Variants in SSH2 observed in about 807,000 individuals in gnomAD.
The protein encoded by SSH2 is protein phosphatase Slingshot homolog 2.
In SSH2, 37 loss-of-function variants were observed where a neutral mutation model predicts 135.2. That is an observed-to-expected ratio of 0.27 (90% CI 0.21 to 0.36). SSH2 has a LOEUF of 0.36. Ranked by LOEUF, SSH2 falls within the 10% of genes least tolerant of loss-of-function variation. SSH2 has a pLI of 1.00. For synonymous variants in SSH2, 628 were observed against 646.2 expected (o/e 0.97, Z 0.43); for missense variants, 1,408 against 1,765.3 (o/e 0.80, Z 3.63).
At chr17:29,675,052 T>C (rs192984696) in intron 8 of SSH2, among the ~76,000 whole-genome samples, 57 of 152,340 alleles carry the variant, frequency 3.7e-4, no homozygotes, top group African/African-American at 1.3e-3. Context: ...TGGTTTTACT[T>C]GTTACTTAGG....
chr17:29,760,958 T>C, intron 3 of SSH2: 1 of 439,458 alleles, frequency 2.3e-6, no homozygotes, highest in Non-Finnish European at 3.8e-6. Flanking sequence ...CGGGACACTT[T>C]CCGCCTCCAT....
chr17:29,761,485 G>A lies in SSH2; in HGVS notation c.188+32409C>T, dbSNP rs541906183. 4.1e-6 allele frequency: 4 copies of A among 978,948 alleles called. No homozygotes were observed. The Admixed American group carries it at 2.5e-4, about 60-fold the overall frequency. The allele number at this position is 978,948 out of a possible 1,614,324, so 60.6% of individuals were successfully genotyped here. A position where few individuals can be genotyped will look rare whatever the true frequency, so the allele number is the denominator to read the frequency against. ...ACCCGCGTCCGGGGCGGGACGGGCGGGTCCTGAGAGCGGAGAGGGTAGGCC... is the reference window on the plus strand; with the variant it reads ...ACCCGCGTCCGGGGCGGGACGGGCGAGTCCTGAGAGCGGAGAGGGTAGGCC... On this transcript the variant is annotated intron_variant, in intron 3 of 15. Coordinates refer to ENST00000540801, the MANE Select transcript of SSH2 (RefSeq NM_001282129.2).
intron 3 of SSH2, among the ~76,000 whole-genome samples, chr17:29,771,171 A>C (rs1176797078): frequency 6.6e-6 from 1 of 152,254 alleles, no homozygotes; most frequent in African/African-American, 2.4e-5. Flanking sequence ...TACGTTATTC[A>C]AAGTCTTATT....
chr17:29,775,544 C>A (rs185860582), intron 3 of SSH2, among the ~76,000 whole-genome samples: 7 of 152,242 alleles, frequency 4.6e-5, no homozygotes, highest in Admixed American at 4.6e-4. Context: ...GTGAGGAAAC[C>A]ATCCTGGGAA....
chr17:29,743,907 CTTTTTTTTTTTTT>C lies in SSH2; in HGVS notation c.189-40858_189-40846del, dbSNP rs59540894. Among the ~76,000 whole-genome samples the C allele has an allele frequency of 3.0e-5, 3 of 99,864 alleles. No homozygotes were observed. In the Admixed American group the frequency reaches 3.4e-4, roughly 11 times the overall value. 65.5% of individuals were successfully genotyped at this position (99,864 alleles called of 152,430 possible). On this transcript the variant is annotated intron_variant, in intron 3 of 15. Coordinates refer to ENST00000540801, the MANE Select transcript of SSH2 (RefSeq NM_001282129.2). Reference sequence around the variant, plus strand: ...GGCATAATTTCTTTTTTCTTTTTTCCTTTTTTTTTTTTTTTTTTTTTTTTACAAAACAAAACGC... The same window carrying C: ...GGCATAATTTCTTTTTTCTTTTTTCCTTTTTTTTTTTACAAAACAAAACGC...
At chr17:29,675,698 G>A (rs2037681417) in intron 8 of SSH2, 1 of 152,492 alleles carries the variant, frequency 6.6e-6, no homozygotes, top group African/African-American at 2.4e-5. Context: ...CTGCTTAGGA[G>A]GCTGAGGTAG....
chr17:29,865,372 C>T (rs984438685), intron 1 of SSH2, among the ~76,000 whole-genome samples: 1 of 152,092 alleles, frequency 6.6e-6, no homozygotes, highest in Admixed American at 6.5e-5. Flanking sequence ...AATTAGAGAT[C>T]CCCAGCAGGA....
Position 29,930,074 on chromosome 17 carries a change from G to T in SSH2, c.-74C>A. 1 of 1,258,442 alleles carries T rather than the reference G, an allele frequency of 7.9e-7. No individual in the cohort carries two copies. The highest frequency in any genetic ancestry group is 1.3e-5 in the South Asian group (1 of 77,806). 78.0% of individuals were successfully genotyped at this position (1,258,442 alleles called of 1,614,324 possible). Reference sequence around the variant, plus strand: ...GGGGGACGGGAGGGTGACGGAGCCGGGATGGGGAAAGGGGTGCGGGGTGGG... The same window carrying T: ...GGGGGACGGGAGGGTGACGGAGCCGTGATGGGGAAAGGGGTGCGGGGTGGG... On this transcript the variant is annotated 5_prime_UTR_variant, in exon 1 of 16. Transcript: ENST00000540801.
chr17:29,678,670 C>CAAG (rs1180394723), intron 6 of SSH2, among the ~76,000 whole-genome samples: 2 of 150,536 alleles, frequency 1.3e-5, no homozygotes, highest in Non-Finnish European at 2.9e-5. Flanking sequence ...TGTCAACAAC[C>CAAG]AAGAAAAGGG....
intron 3 of SSH2, among the ~76,000 whole-genome samples, chr17:29,782,437 T>C (rs1481952684): frequency 1.3e-5 from 2 of 152,186 alleles, no homozygotes; most frequent in East Asian, 1.9e-4. Flanking sequence ...GCTTTCTTGA[T>C]AGTTTTCTTG....
intron 3 of SSH2, 36 bp downstream of exon 3, chr17:29,793,855 TACA>T: frequency 6.4e-7 from 1 of 1,567,594 alleles, no homozygotes; most frequent in Non-Finnish European, 8.7e-7. Flanking sequence ...AAAAATATCC[TACA>T]ACAAAAATGC....
intron 1 of SSH2, among the ~76,000 whole-genome samples, chr17:29,869,224 G>A (rs1265629255): frequency 6.6e-6 from 1 of 152,236 alleles, no homozygotes; most frequent in Non-Finnish European, 1.5e-5. Context: ...ATTGGGAGGT[G>A]TCATGAGAAC....
At chr17:29,693,649 A>G (rs2038590342) in intron 5 of SSH2, among the ~76,000 whole-genome samples, 2 of 152,198 alleles carry the variant, frequency 1.3e-5, no homozygotes, top group African/African-American at 4.8e-5. Context: ...ATCAAGAAAT[A>G]CAGACAAGAT....
chr17:29,807,315 A>G (rs1010284798), intron 2 of SSH2, among the ~76,000 whole-genome samples: 12 of 152,210 alleles, frequency 7.9e-5, no homozygotes, highest in Non-Finnish European at 1.5e-4. Flanking sequence ...GACAGTTTTC[A>G]TTAGGGGGAA....
chr17:29,832,825 C>T (rs1030119900), intron 2 of SSH2, among the ~76,000 whole-genome samples: 1 of 152,146 alleles, frequency 6.6e-6, no homozygotes. Context: ...CACCACCACA[C>T]CCAGATAATT....
chr17:29,929,620 A>C (rs1597534025), intron 1 of SSH2, among the ~76,000 whole-genome samples: 1 of 152,218 alleles, frequency 6.6e-6, no homozygotes, highest in Middle Eastern at 3.4e-3. Context: ...ACAGAGGGTA[A>C]AAGAAGGGGG....
At chr17:29,641,954 T>TA (rs2036181609) in intron 14 of SSH2, among the ~76,000 whole-genome samples, 1 of 147,222 alleles carries the variant, frequency 6.8e-6, no homozygotes, top group African/African-American at 2.6e-5. Flanking sequence ...TTTTTTTTTT[T>TA]TAAAAAAAGA....
chr17:29,749,267 C>T (rs1362883118), intron 3 of SSH2, among the ~76,000 whole-genome samples: 1 of 152,202 alleles, frequency 6.6e-6, no homozygotes, highest in African/African-American at 2.4e-5. Flanking sequence ...TAAATACAGT[C>T]ATGCATCACT....
chr17:29,751,403 G>A (rs975953071), intron 3 of SSH2, among the ~76,000 whole-genome samples: 4 of 151,106 alleles, frequency 2.6e-5, no homozygotes, highest in African/African-American at 9.8e-5. Context: ...CAACAAGAGC[G>A]TAACTCCTGT....
Sources: gnomAD v4.1 joint callset for allele counts (sites outside exome capture counted in the v4.1 genomes callset) on GRCh38, gnomAD v4.1.1 for gene constraint, MANE v1.5 for transcripts, NCBI Gene and HGNC (gene_info 2026-07-23, HGNC 2026-07-21) for gene names.